Variants in EVC2 observed in about 807,000 individuals in gnomAD.
EVC2 encodes EvC ciliary complex subunit 2, also known as limbin.
Under a neutral mutation model 149.3 loss-of-function variants are expected in EVC2, and 148 were observed. The ratio of observed to expected loss-of-function variants is 0.99; its 90% CI spans 0.87 to 1.14. EVC2 has a LOEUF of 1.14. EVC2 is among the 50% of genes most tolerant of loss of function. The pLI is 0.00. For synonymous variants in EVC2, 776 were observed against 649.9 expected (o/e 1.19, Z -2.95); for missense variants, 1,854 against 1,627.3 (o/e 1.14, Z -2.40).
At chr4:5,651,941 A>C (rs751888977) in intron 9 of EVC2, among the ~76,000 whole-genome samples, 2 of 152,272 alleles carry the variant, frequency 1.3e-5, no homozygotes, top group African/African-American at 2.4e-5. Flanking sequence ...TGATGATTAT[A>C]ATCAGGCGAT....
intron 1 of EVC2, chr4:5,707,985 CTG>C (rs1722325049): frequency 3.9e-6 from 1 of 258,832 alleles, no homozygotes; most frequent in African/African-American, 2.2e-5. Context: ...GATCAGGAAA[CTG>C]GGGCACAGGA....
intron 6 of EVC2, among the ~76,000 whole-genome samples, chr4:5,683,208 T>C (rs1349153906): frequency 6.6e-6 from 1 of 152,216 alleles, no homozygotes; most frequent in African/African-American, 2.4e-5. Context: ...CCCTTGGCCT[T>C]TTCCATTCTT....
the EVC2 span, among the ~76,000 whole-genome samples, chr4:5,530,492 A>T: frequency 6.6e-6 from 1 of 151,856 alleles, no homozygotes. Flanking sequence ...AGTCAAACAA[A>T]CTAACATATG....
Position 5,576,242 on chromosome 4 carries a change from C to T in EVC2, c.3270G>A (p.Gln1090=), listed in dbSNP as rs754317285. ...GTGCTACGGGGCACACGGCATACCA[C>T]TGCTGATGTTGCTCCAGTAATGTCT... ...KSQTLLEQHQ[Q]CLREEQQNSV... is the part of the protein sequence containing the mutation. The change falls in exon 18 of 22, where the codon CAG becomes CAA. Residue 1090 remains glutamine, a splice_region_variant and synonymous_variant. Coordinates refer to ENST00000344408, the MANE Select transcript of EVC2 (RefSeq NM_147127.5). This position sits in a 1 kb window ranked among gnomAD's most constrained non-coding sequence, Gnocchi z 4.5. 3.7e-6 allele frequency: 6 copies of T among 1,614,188 alleles called. No homozygotes were observed. In the South Asian group the frequency reaches 6.6e-5, roughly 18 times the overall value.
intron 16 of EVC2, among the ~76,000 whole-genome samples, chr4:5,585,127 C>G (rs969164439): frequency 6.6e-6 from 1 of 152,160 alleles, no homozygotes; most frequent in Non-Finnish European, 1.5e-5. Flanking sequence ...GAAAACACTT[C>G]TAAGTCTCTC....
chr4:5,649,729 T>A (rs977102369), intron 9 of EVC2, among the ~76,000 whole-genome samples: 1 of 152,170 alleles, frequency 6.6e-6, no homozygotes, highest in African/African-American at 2.4e-5. Context: ...GTAGCAGGTG[T>A]AAGCACAATA....
chr4:5,606,515 T>C (rs992383683), intron 16 of EVC2, among the ~76,000 whole-genome samples: 6 of 152,076 alleles, frequency 3.9e-5, no homozygotes, highest in Admixed American at 1.3e-4. Flanking sequence ...ATAAAACTGA[T>C]TCCAGGTAAT....
chr4:5,616,253 G>A (rs557352151), intron 15 of EVC2, among the ~76,000 whole-genome samples: 3 of 152,292 alleles, frequency 2.0e-5, no homozygotes, highest in African/African-American at 7.2e-5. Context: ...CAGGCCACAG[G>A]GAGCCTTGAG....
intron 16 of EVC2, among the ~76,000 whole-genome samples, chr4:5,604,091 G>A (rs1714203517): frequency 6.6e-6 from 1 of 152,182 alleles, no homozygotes. Flanking sequence ...AATGGAGATA[G>A]TAATAGTTGC....
In EVC2 at chr4:5,645,516, GT is replaced by G. The variant is rs147874389; in HGVS notation, c.1146-4679del. On this transcript the variant is annotated intron_variant, in intron 9 of 21. Coordinates refer to ENST00000344408, the MANE Select transcript of EVC2 (RefSeq NM_147127.5). ...TATAAGTGAGAATACGCGGTGTTTG[GT>G]TTTCTCTTACTGAGTTAGTTTGCTA... Among the ~76,000 whole-genome samples the G allele has an allele frequency of 7.3e-3, 1,111 of 152,090 alleles. 15 individuals are homozygous for G. The highest frequency in any genetic ancestry group is 0.025 in the African/African-American group (1,054 of 41,484).
chr4:5,702,097 C>A (rs1417781961), intron 1 of EVC2, among the ~76,000 whole-genome samples: 1 of 152,176 alleles, frequency 6.6e-6, no homozygotes, highest in East Asian at 1.9e-4. Context: ...AGCCCATCCA[C>A]AGCATCCCAT....
At chr4:5,648,550 C>T (rs556637677) in intron 9 of EVC2, among the ~76,000 whole-genome samples, 3 of 152,304 alleles carry the variant, frequency 2.0e-5, no homozygotes, top group Admixed American at 6.5e-5. Context: ...GGACCACCCT[C>T]ATAGGTTGTT....
At chr4:5,582,574 T>C (rs1477101301) in intron 17 of EVC2, among the ~76,000 whole-genome samples, 4 of 152,362 alleles carry the variant, frequency 2.6e-5, no homozygotes, top group Middle Eastern at 3.4e-3. Flanking sequence ...GACTTATAAT[T>C]GTCTCAGATG....
chr4:5,562,859 C>T lies in EVC2; in HGVS notation c.3916G>A (p.Gly1306Ser), dbSNP rs1722037368. ...GTCTTTCCCTTGGGCTAGTCCATGC[C>T]CAAGGCCCTCATGGCCTTTTTGGCA... ...LNAKKAMRAL[G>S]MD Residue 1306 changes from glycine to serine, a missense_variant, in exon 22 of 22, where the codon GGC becomes AGC. Gly to Ser is a moderately conservative substitution (Grantham distance 56). Transcript: ENST00000344408. This position sits in a 1 kb window ranked among gnomAD's most constrained non-coding sequence, Gnocchi z 4.3. 5 of 1,613,916 alleles carry T rather than the reference C, an allele frequency of 3.1e-6. No homozygotes were observed. Among genetic ancestry groups the T allele is most frequent in the Non-Finnish European group, 4.2e-6 (5 of 1,180,048 alleles).
At chr4:5,531,781 A>G in the EVC2 span, among the ~76,000 whole-genome samples, 1 of 151,976 alleles carries the variant, frequency 6.6e-6, no homozygotes, top group African/African-American at 2.4e-5. Context: ...TTATTTCATT[A>G]TATATTACAA....
At chr4:5,561,550 G>C (rs1237756555), downstream of EVC2, among the ~76,000 whole-genome samples, 3 of 152,176 alleles carry the variant, frequency 2.0e-5, no homozygotes, top group East Asian at 5.8e-4. Flanking sequence ...CCCCAGCGAA[G>C]GTACTTGTTG....
downstream of EVC2, among the ~76,000 whole-genome samples, chr4:5,557,945 G>T (rs553372637): frequency 6.6e-6 from 1 of 152,008 alleles, no homozygotes; most frequent in African/African-American, 2.4e-5. Flanking sequence ...TCCTATTCAT[G>T]ATTTGGAAGA....
chr4:5,562,637 T>C lies in EVC2; in HGVS notation c.*211A>G. Reference sequence around the variant, plus strand: ...GGGGCTGAAAGAAGGAGTGTTTATGTCCTTGTGATATGGAAGAGAGTGGGC... The same window carrying C: ...GGGGCTGAAAGAAGGAGTGTTTATGCCCTTGTGATATGGAAGAGAGTGGGC... On this transcript the variant is annotated 3_prime_UTR_variant, in exon 22 of 22. Coordinates refer to ENST00000344408, the MANE Select transcript of EVC2 (RefSeq NM_147127.5). This position sits in a 1 kb window ranked among gnomAD's most constrained non-coding sequence, Gnocchi z 4.3. The C allele has an allele frequency of 1.4e-6, 2 of 1,436,618 alleles. No individual in the cohort carries two copies. The highest frequency in any genetic ancestry group is 1.8e-6 in the Non-Finnish European group (2 of 1,100,464). 89.0% of individuals were successfully genotyped at this position (1,436,618 alleles called of 1,614,324 possible). A position where few individuals can be genotyped will look rare whatever the true frequency, so the allele number is the denominator to read the frequency against.
At chr4:5,660,940 A>G (rs1341423734) in intron 9 of EVC2, among the ~76,000 whole-genome samples, 1 of 152,240 alleles carries the variant, frequency 6.6e-6, no homozygotes, top group Non-Finnish European at 1.5e-5. Context: ...ATGCCATACC[A>G]AAAAGCAGTA....
Sources: allele counts gnomAD v4.1 joint callset (sites outside exome capture counted in the v4.1 genomes callset), GRCh38; gene constraint gnomAD v4.1.1; non-coding constraint Gnocchi (gnomAD v3.1); transcripts MANE v1.5; gene names NCBI Gene and HGNC (gene_info 2026-07-23, HGNC 2026-07-21).